Variants in FBXO9 observed in about 807,000 individuals in gnomAD.
The protein encoded by FBXO9 is F-box only protein 9.
Under a neutral mutation model 63.7 loss-of-function variants are expected in FBXO9, and 43 were observed. The observed-to-expected ratio is 0.67, with a 90% CI of 0.53 to 0.87. FBXO9 has a LOEUF of 0.87. FBXO9 is among the 40% of genes least tolerant of loss of function. FBXO9 has a pLI of 0.00. For missense variants in FBXO9, 442 were observed against 533.2 expected (o/e 0.83, Z 1.68); for synonymous variants, 156 against 171.7 (o/e 0.91, Z 0.72).
At chr6:53,070,896 T>G (rs1301060261) in intron 1 of FBXO9, 161 bp from the exon 2 acceptor site, 5 of 1,098,494 alleles carry the variant, frequency 4.6e-6, no homozygotes, top group Admixed American at 5.9e-5. Context: ...AAATTAATAG[T>G]AAGGTCTCAA....
At chr6:53,077,774 A>G (rs893933020) in intron 4 of FBXO9, among the ~76,000 whole-genome samples, 8 of 152,220 alleles carry the variant, frequency 5.3e-5, no homozygotes, top group Non-Finnish European at 1.2e-4. Flanking sequence ...CAGTTGATCA[A>G]GTCCCTGTGC....
intron 3 of FBXO9, among the ~76,000 whole-genome samples, chr6:53,074,656 G>C (rs1769037081): frequency 6.6e-6 from 1 of 152,162 alleles, no homozygotes; most frequent in Non-Finnish European, 1.5e-5. Flanking sequence ...CCACTAGTCT[G>C]TTCTCCATTT....
chr6:53,066,301 G>A (rs530683172), intron 1 of FBXO9, among the ~76,000 whole-genome samples: 30 of 152,170 alleles, frequency 2.0e-4, no homozygotes, highest in Non-Finnish European at 3.5e-4. Context: ...CCCGCGAGGC[G>A]TCATTCCCTG....
At chr6:53,094,514 CTT>C (rs1763148884) in intron 11 of FBXO9, among the ~76,000 whole-genome samples, 1 of 152,134 alleles carries the variant, frequency 6.6e-6, no homozygotes, top group Admixed American at 6.6e-5. Context: ...ATTTTTTCAC[CTT>C]TCTCCATATG....
intron 8 of FBXO9, 82 bp from the exon 9 acceptor site, chr6:53,092,652 T>C (rs1246091749): frequency 7.9e-6 from 11 of 1,390,224 alleles, no homozygotes; most frequent in East Asian, 2.3e-5. Context: ...ACTGTAAGCA[T>C]GTTTAAAGGA....
At chr6:53,083,135 T>A (rs1769367104) in intron 7 of FBXO9, among the ~76,000 whole-genome samples, 1 of 152,210 alleles carries the variant, frequency 6.6e-6, no homozygotes, top group South Asian at 2.1e-4. Context: ...CACACAAAAA[T>A]CAAATCAAGA....
rs766185256 is a variant in FBXO9, at chr6:53,093,539, C to T, written c.937C>T (p.Arg313Cys). The change falls in exon 10 of 13, where the codon CGT becomes TGT. Residue 313 changes from arginine (R) to cysteine (C), a missense_variant. Around this residue, in one of 2 missense-constraint regions of FBXO9, gnomAD observed 262 missense variants for 362.1 expected, o/e 0.72. Coordinates refer to ENST00000323557, the MANE Select transcript of FBXO9 (RefSeq NM_033480.3). ...TGAAGAGCCTCAGTCCATTGTTCCA[C>T]GTTTAAGAACTAGGAATACCAGGTA... Reference protein sequence around the residue: ...TPEEPQSIVPRLRTRNTRTDA... With the variant: ...TPEEPQSIVPCLRTRNTRTDA... 3 of 1,613,128 alleles carry T rather than the reference C, an allele frequency of 1.9e-6. No individual in the cohort carries two copies. The highest frequency in any genetic ancestry group is 1.3e-5 in the African/African-American group (1 of 74,888).
chr6:53,066,731 G>A (rs1768714396), intron 1 of FBXO9, among the ~76,000 whole-genome samples: 1 of 152,206 alleles, frequency 6.6e-6, no homozygotes, highest in African/African-American at 2.4e-5. Context: ...TCGCACCTGT[G>A]AAACAGGAGT....
chr6:53,065,649 C>A lies in FBXO9; in HGVS notation c.-141C>A. On this transcript the variant is annotated 5_prime_UTR_variant, in exon 1 of 13. Coordinates refer to ENST00000323557, the MANE Select transcript of FBXO9 (RefSeq NM_033480.3). ...GCAGTTATTGCCGCTGCCTGGTGCG[C>A]TTCTCCGACCGAGAACTCTGCTAAG... The A allele has an allele frequency of 1.9e-6, 2 of 1,039,176 alleles. No individual in the cohort carries two copies. The highest frequency in any genetic ancestry group is 4.0e-5 in the Admixed American group (1 of 25,094). 64.4% of individuals were successfully genotyped at this position (1,039,176 alleles called of 1,614,324 possible). A position where few individuals can be genotyped will look rare whatever the true frequency, so the allele number is the denominator to read the frequency against.
chr6:53,097,721 G>A lies in FBXO9; in HGVS notation c.1206-1G>A, dbSNP rs748030015. On this transcript the variant is annotated splice_acceptor_variant, in intron 12 of 12. Coordinates refer to ENST00000323557, the MANE Select transcript of FBXO9 (RefSeq NM_033480.3). LOFTEE classifies it high-confidence loss of function. ...AGTAATTTTGTGCTTTTTTTTTACA[G>A]ATCAACTGGTGAGACTGCAGTCAGT... 6.3e-7 allele frequency: 1 copy of A among 1,578,746 alleles called. No homozygotes were observed.
chr6:53,086,009 C>T (rs967474145), intron 7 of FBXO9, among the ~76,000 whole-genome samples: 5 of 152,016 alleles, frequency 3.3e-5, no homozygotes, highest in African/African-American at 9.7e-5. Context: ...ATTAGCCGGG[C>T]GTGGTGGCTC....
intron 2 of FBXO9, 78 bp downstream of exon 2, chr6:53,071,221 T>C: frequency 7.4e-7 from 1 of 1,347,832 alleles, no homozygotes; most frequent in African/African-American, 1.4e-5. Context: ...TAATCATGGG[T>C]ATTTGTAGGT....
upstream of FBXO9, chr6:53,065,362 T>C (rs1189289494): frequency 6.0e-6 from 1 of 166,218 alleles, no homozygotes. Context: ...CCCGCGGGGA[T>C]GGGTGGCCGG....
chr6:53,081,039 A>C lies in FBXO9; in HGVS notation c.479A>C (p.Gln160Pro). 1 of 1,613,556 alleles carries C rather than the reference A, an allele frequency of 6.2e-7. No individual in the cohort carries two copies. The highest frequency in any genetic ancestry group is 8.5e-7 in the Non-Finnish European group (1 of 1,179,864). Residue 160 changes from glutamine (Q) to proline (P), a missense_variant, in exon 6 of 13, where the codon CAG becomes CCG. This residue lies in a region of FBXO9 where 262 missense variants were observed against 362.1 expected (regional missense o/e 0.72). Transcript: ENST00000323557. ...TACTTCCAGCAGCAACTCACATTTC[A>C]GGAGTCTGTGCTTAAACTGTGTCAG... ...LSYFQQQLTFQESVLKLCQPE... is the reference protein window; with the variant it reads ...LSYFQQQLTFPESVLKLCQPE...
chr6:53,066,452 C>T (rs906372970), intron 1 of FBXO9, among the ~76,000 whole-genome samples: 4 of 152,226 alleles, frequency 2.6e-5, no homozygotes, highest in African/African-American at 9.6e-5. Flanking sequence ...TATTGGAATA[C>T]GTAGTCTCTG....
chr6:53,095,719 C>T (rs948363449), intron 12 of FBXO9, 55 bp downstream of exon 12: 82 of 1,446,900 alleles, frequency 5.7e-5, no homozygotes, highest in African/African-American at 3.4e-4. Flanking sequence ...TACTTCGTAT[C>T]CAGCTTAAGA....
intron 11 of FBXO9, chr6:53,094,585 A>T (rs1763152007): frequency 5.2e-6 from 1 of 192,818 alleles, no homozygotes. Flanking sequence ...GTTGTATGGT[A>T]TTTGGAATAA....
At position 53,093,913 on chromosome 6, in the gene FBXO9, C is replaced by A. The variant is rs377012305; in HGVS notation, c.988C>A (p.Arg330Ser). The stretch of plus-strand genomic sequence containing the variant: ...TGATGCAATTCTACTGGGTCACTAT[C>A]GCTTGTCACAAGACACAGACAATCA... ...RTDAILLGHY[R>S]LSQDTDNQTK... The change falls in exon 11 of 13, where the codon CGC (arginine) becomes AGC (serine). Residue 330 changes from arginine to serine, a missense_variant. Physicochemically the swap from Arg to Ser is moderately radical, Grantham distance 110 (BLOSUM62 -1). Around this residue, in one of 2 missense-constraint regions of FBXO9, gnomAD observed 262 missense variants for 362.1 expected, o/e 0.72. Coordinates refer to ENST00000323557, the MANE Select transcript of FBXO9 (RefSeq NM_033480.3). The A allele has an allele frequency of 2.6e-6, 4 of 1,550,328 alleles. No individual in the cohort carries two copies. The highest frequency in any genetic ancestry group is 3.5e-6 in the Non-Finnish European group (4 of 1,146,926).
rs763854559 is a variant in FBXO9, at chr6:53,078,882, G to T, written c.391G>T (p.Gly131Cys). The T allele has an allele frequency of 3.7e-6, 6 of 1,613,562 alleles. No individual in the cohort carries two copies. The Admixed American group carries it at 1.0e-4, about 27-fold the overall frequency. ...ITYTRSPDGD[G>C]VGNSYIEDND... ...TTATACCCGGTCTCCAGATGGTGAT[G>T]GCGTTGGAAACAGCTAGTGCGTATA... The change falls in exon 5 of 13, where the codon GGC becomes TGC. Residue 131 changes from glycine to cysteine, a missense_variant. Gly to Cys is a radical substitution (Grantham distance 159). Transcript: ENST00000323557.
Sources: gnomAD v4.1 joint callset for allele counts (sites outside exome capture counted in the v4.1 genomes callset) on GRCh38, gnomAD v4.1.1 for gene constraint, gnomAD v4.1.1 regional missense constraint, MANE v1.5 for transcripts, NCBI Gene and HGNC (gene_info 2026-07-23, HGNC 2026-07-21) for gene names.